CHD7: variants seen among roughly 807,000 people sequenced by gnomAD.
CHD7 encodes chromodomain helicase DNA binding protein 7.
CHD7 carries 24 observed loss-of-function variants against 307.3 expected under a neutral mutation model. That is an observed-to-expected ratio of 0.08 (90% CI 0.06 to 0.11). CHD7 has a LOEUF of 0.11. CHD7 is among the 10% of genes least tolerant of loss of function. CHD7 has a pLI of 1.00. For synonymous variants in CHD7, 1,363 were observed against 1,349.9 expected (o/e 1.01, Z -0.21); for missense variants, 3,106 against 3,727.1 (o/e 0.83, Z 4.34).
chr8:60,851,944 A>T (rs1284455877), intron 28 of CHD7, 75 bp from the exon 29 acceptor site: 2 of 988,896 alleles, frequency 2.0e-6, no homozygotes, highest in Non-Finnish European at 3.0e-6. Flanking sequence ...TTAATGAGTC[A>T]TCCTGTTTTG....
intron 2 of CHD7, among the ~76,000 whole-genome samples, chr8:60,773,941 A>T (rs147670098): frequency 2.6e-5 from 4 of 152,354 alleles, no homozygotes; most frequent in Admixed American, 2.0e-4. Flanking sequence ...TGACCCTTTG[A>T]AGGCAAAAAT....
intron 5 of CHD7, 94 bp downstream of exon 5, chr8:60,800,619 A>C (rs1403976416): frequency 7.9e-7 from 1 of 1,258,764 alleles, no homozygotes; most frequent in African/African-American, 1.5e-5. Flanking sequence ...GAAGCATTGG[A>C]CTTTCAGCAG....
rs1293104473 is a variant in CHD7 at position 60,678,833 on chromosome 8, T to G, written c.-424T>G. ...CGGCGCGGGGGTTGAGTCGTGGTGG[T>G]GCGGACGCGCTCGTGCTCGGGAACT... On this transcript the variant is annotated 5_prime_UTR_variant, in exon 1 of 38. Transcript: ENST00000423902. The G allele has an allele frequency of 1.4e-5, 2 of 143,646 alleles. No homozygotes were observed. Among genetic ancestry groups the G allele is most frequent in the South Asian group, 1.9e-4 (1 of 5,356 alleles). 8.9% of individuals were successfully genotyped at this position (143,646 alleles called of 1,614,324 possible).
At chr8:60,718,467 T>G (rs1244929572) in intron 1 of CHD7, among the ~76,000 whole-genome samples, 1 of 149,198 alleles carries the variant, frequency 6.7e-6, no homozygotes, top group Admixed American at 6.7e-5. Context: ...AGAGTGAGAC[T>G]CCATCTCAAA....
chr8:60,824,743 T>C (rs1238670559), intron 13 of CHD7: 1 of 152,206 alleles, frequency 6.6e-6, no homozygotes, highest in Non-Finnish European at 1.5e-5. Flanking sequence ...ACCACACTTA[T>C]CCCATAGTCT....
At chr8:60,778,801 C>A (rs7017676) in intron 2 of CHD7, among the ~76,000 whole-genome samples, 118,748 of 152,192 alleles carry the variant, frequency 0.78, 46,523 homozygotes, top group East Asian at 0.94. Flanking sequence ...TATGTACAAA[C>A]TAACTCAACT....
chr8:60,837,816 G>A lies in CHD7; in HGVS notation c.4334G>A (p.Arg1445Lys). 5 of 1,613,194 alleles carry A rather than the reference G, an allele frequency of 3.1e-6. No individual in the cohort carries two copies. The highest frequency in any genetic ancestry group is 4.2e-6 in the Non-Finnish European group (5 of 1,179,338). ...DKAVLQSMSG[R>K]ENATNGVQQL... ...GCTGTGCTACAGTCTATGAGTGGAAGAGAAAATGCTACCAATGGGGTAAAA... is the reference window on the plus strand; with the variant it reads ...GCTGTGCTACAGTCTATGAGTGGAAAAGAAAATGCTACCAATGGGGTAAAA... Residue 1445 changes from arginine to lysine, a missense_variant, in exon 18 of 38, where the codon AGA (arginine) becomes AAA (lysine). Around this residue, in one of 10 missense-constraint regions of CHD7, gnomAD observed 93 missense variants for 176.4 expected, o/e 0.53. Coordinates refer to ENST00000423902, the MANE Select transcript of CHD7 (RefSeq NM_017780.4).
chr8:60,818,124 T>C (rs1184829670), intron 8 of CHD7, among the ~76,000 whole-genome samples: 2 of 152,226 alleles, frequency 1.3e-5, no homozygotes, highest in Non-Finnish European at 2.9e-5. Flanking sequence ...CTCTCTTTTA[T>C]ACATGAAAGT....
At position 60,828,731 on chromosome 8, in the gene CHD7, T is replaced by C. The variant is rs1420015651; in HGVS notation, c.3447T>C (p.His1149=). 6.2e-7 allele frequency: 1 copy of C among 1,613,564 alleles called. No homozygotes were observed. Among genetic ancestry groups the C allele is most frequent in the Non-Finnish European group, 8.5e-7 (1 of 1,179,678 alleles). The part of the protein sequence containing the change: ...NTVEELFSLL[H]FLEPSRFPSE... ...TGGAAGAACTCTTCAGCTTGCTTCA[T>C]TTCTTGGAACCAAGTCGCTTCCCTT... The change falls in exon 14 of 38, where the codon CAT becomes CAC. Residue 1149 remains histidine (H), a synonymous_variant. Transcript: ENST00000423902.
intron 14 of CHD7, among the ~76,000 whole-genome samples, chr8:60,829,884 G>C (rs1007581988): frequency 2.6e-5 from 4 of 152,126 alleles, no homozygotes; most frequent in Non-Finnish European, 5.9e-5. Flanking sequence ...CGTCTCTGCT[G>C]GCTCCTTAGT....
intron 2 of CHD7, 22 bp from the exon 3 acceptor site, chr8:60,780,978 A>C (rs757998188): frequency 9.3e-6 from 14 of 1,504,488 alleles, no homozygotes; most frequent in African/African-American, 8.4e-5. Context: ...AACTAATTTC[A>C]ATTCCTATTT....
intron 15 of CHD7, among the ~76,000 whole-genome samples, chr8:60,832,414 C>T (rs1192424787): frequency 6.6e-6 from 1 of 152,126 alleles, no homozygotes; most frequent in Admixed American, 6.6e-5. Flanking sequence ...ATCTGCTAAT[C>T]ACAGTATGTT....
rs1432935956 is a variant in CHD7 at position 60,852,389 on chromosome 8, A to G, written c.5895-109A>G. On this transcript the variant is annotated intron_variant, in intron 29 of 37. Coordinates refer to ENST00000423902, the MANE Select transcript of CHD7 (RefSeq NM_017780.4). The stretch of plus-strand genomic sequence containing the variant: ...CTCCAACAAAGCAGTCTGTTTCCCC[A>G]CCCCCAAATAACTACCATGTATAAA... 9 of 1,292,568 alleles carry G rather than the reference A, an allele frequency of 7.0e-6. No individual in the cohort carries two copies. In the South Asian group the frequency reaches 1.0e-4, roughly 15 times the overall value. The allele number at this position is 1,292,568 out of a possible 1,614,324, so 80.1% of individuals were successfully genotyped here.
intron 2 of CHD7, among the ~76,000 whole-genome samples, chr8:60,754,653 C>A (rs1349527316): frequency 1.3e-5 from 2 of 152,106 alleles, no homozygotes; most frequent in Non-Finnish European, 2.9e-5. Flanking sequence ...TACTGTATTT[C>A]TTTTCAGTTG....
intron 1 of CHD7, among the ~76,000 whole-genome samples, chr8:60,703,471 C>G (rs1182691234): frequency 6.6e-6 from 1 of 152,078 alleles, no homozygotes; most frequent in African/African-American, 2.4e-5. Flanking sequence ...GAGAAGAAAA[C>G]AAAACAAAAA....
rs1809015016 is a variant in CHD7 at position 60,741,576 on chromosome 8, C to T, written c.144C>T (p.Ala48=). The change falls in exon 2 of 38, where the codon GCC becomes GCT. Residue 48 remains alanine (A), a synonymous_variant. Transcript: ENST00000423902. ...GQQMPIDQGF[A]SLQPSLHHPS... is the part of the protein sequence containing the mutation. ...AAATGCCAATAGACCAAGGCTTTGCCTCTTTACAGCCATCCCTTCATCATC... is the reference window on the plus strand; with the variant it reads ...AAATGCCAATAGACCAAGGCTTTGCTTCTTTACAGCCATCCCTTCATCATC... 3 of 1,613,678 alleles carry T rather than the reference C, an allele frequency of 1.9e-6. No individual in the cohort carries two copies. The highest frequency in any genetic ancestry group is 1.7e-6 in the Non-Finnish European group (2 of 1,179,784).
intron 6 of CHD7, among the ~76,000 whole-genome samples, chr8:60,807,465 T>A (rs1586362417): frequency 6.6e-6 from 1 of 152,244 alleles, no homozygotes; most frequent in South Asian, 2.1e-4. Flanking sequence ...GAACATCATC[T>A]TCTGCATACA....
rs1804090975 is a variant in CHD7 at position 60,822,484 on chromosome 8, C to T, written c.2958-19C>T. On this transcript the variant is annotated intron_variant, in intron 11 of 37. Transcript: ENST00000423902. ...TATCCATACTCATTAAACTTTTGTA[C>T]TTCATTTTCCTCCTAAAGGCGAAAC... The T allele has an allele frequency of 3.1e-6, 5 of 1,610,560 alleles. No homozygotes were observed. Among genetic ancestry groups the T allele is most frequent in the Non-Finnish European group, 4.2e-6 (5 of 1,177,492 alleles).
At position 60,862,222 on chromosome 8, in the gene CHD7, A is replaced by G. The variant is rs767263892; in HGVS notation, c.7857A>G (p.Ser2619=). 2.5e-6 allele frequency: 4 copies of G among 1,611,042 alleles called. No individual in the cohort carries two copies. The South Asian group carries it at 3.3e-5, about 13-fold the overall frequency. Residue 2619 remains serine (S), a synonymous_variant, in exon 36 of 38, where the codon TCA becomes TCG. Transcript: ENST00000423902. ...AGAATGCAGATGTGCTGTTTTCCTC[A>G]TTTCAGAAACCGAAACAGAAACGAC... ...VPKNADVLFS[S]FQKPKQKRHR...
Sources: allele counts gnomAD v4.1 joint callset (sites outside exome capture counted in the v4.1 genomes callset), GRCh38; gene constraint gnomAD v4.1.1; regional missense constraint gnomAD v4.1.1; transcripts MANE v1.5; gene names NCBI Gene and HGNC (gene_info 2026-07-23, HGNC 2026-07-21).